The following DYNC1H1 variants were observed in gnomAD, a reference collection of about 807,000 sequenced individuals.
DYNC1H1 encodes cytoplasmic dynein 1 heavy chain 1.
DYNC1H1 carries 51 observed loss-of-function variants against 527.1 expected under a neutral mutation model. That is an observed-to-expected ratio of 0.10 (90% CI 0.08 to 0.12). DYNC1H1 has a LOEUF of 0.12. Among genes scored for constraint, DYNC1H1 ranks in the 10% least tolerant of loss-of-function variants. The pLI is 1.00. For missense variants in DYNC1H1, 2,771 were observed against 5,971.8 expected (o/e 0.46, Z 17.66); for synonymous variants, 2,189 against 2,278.8 (o/e 0.96, Z 1.12).
Position 102,050,095 on chromosome 14 carries a change from GCAA to G in DYNC1H1, c.13719_13721del (p.Asn4573del), listed in dbSNP as rs1013209915. 4.3e-6 allele frequency: 7 copies of G among 1,614,002 alleles called. No homozygotes were observed. Among genetic ancestry groups the G allele is most frequent in the Non-Finnish European group, 5.9e-6 (7 of 1,180,030 alleles). On this transcript the variant is annotated inframe_deletion, in exon 77 of 78. Coordinates refer to ENST00000360184, the MANE Select transcript of DYNC1H1 (RefSeq NM_001376.5). ...GGTTTGAAACTTCAAGGGGCCACGT[GCAA>G]CAACAACAAGCTGTCACTGTCCAAT...
Position 102,033,722 on chromosome 14 carries a change from G to C in DYNC1H1, c.10413+238G>C. The C allele has an allele frequency of 1.5e-6, 1 of 684,626 alleles. No homozygotes were observed. The highest frequency in any genetic ancestry group is 1.8e-5 in the South Asian group (1 of 54,996). 42.4% of individuals were successfully genotyped at this position (684,626 alleles called of 1,614,324 possible). On this transcript the variant is annotated intron_variant, in intron 54 of 77. Coordinates refer to ENST00000360184, the MANE Select transcript of DYNC1H1 (RefSeq NM_001376.5). The surrounding 1 kb of genome is among the most constrained non-coding windows in gnomAD (Gnocchi z 5.6). ...TCAGCCGTTGAATCCCCCACCAGCAGCTCCAGACCTGTTTGCTCTGCTGCC... is the reference window on the plus strand; with the variant it reads ...TCAGCCGTTGAATCCCCCACCAGCACCTCCAGACCTGTTTGCTCTGCTGCC...
At chr14:101,976,879 A>G (rs1441521909) in intron 2 of DYNC1H1, among the ~76,000 whole-genome samples, 1 of 152,260 alleles carries the variant, frequency 6.6e-6, no homozygotes, top group Admixed American at 6.5e-5. Context: ...AACAGCCAGT[A>G]TAACAACTAT....
chr14:102,048,056 G>T, intron 73 of DYNC1H1, 28 bp downstream of exon 73: 1 of 1,593,450 alleles, frequency 6.3e-7, no homozygotes, highest in Non-Finnish European at 8.5e-7. Flanking sequence ...GGGCCGGCCA[G>T]GTCTCAAGGT....
At chr14:102,024,755 T>C (rs1343669643) in intron 43 of DYNC1H1, among the ~76,000 whole-genome samples, 1 of 142,936 alleles carries the variant, frequency 7.0e-6, no homozygotes, top group African/African-American at 2.6e-5. Context: ...AGTGCAGTGG[T>C]GCTTTCTCGG....
rs2047643749 is a variant in DYNC1H1 at position 101,964,753 on chromosome 14, T to G, written c.62T>G (p.Val21Gly). ...TCGGCCGGATTGGAAGTGTCGGCCG[T>G]GCAGAATGTGGCGGACGTGTCGGTG... is the stretch of plus-strand genomic sequence containing the variant. Reference protein sequence around the residue: ...DGSAGLEVSAVQNVADVSVLQ... With the variant: ...DGSAGLEVSAGQNVADVSVLQ... Residue 21 changes from valine (V) to glycine (G), a missense_variant, in exon 1 of 78, where the codon GTG (valine) becomes GGG (glycine). Val to Gly is a moderately radical substitution (Grantham distance 109). Around this residue, in one of 32 missense-constraint regions of DYNC1H1, gnomAD observed 101 missense variants for 105.3 expected, o/e 0.96. Transcript: ENST00000360184. This position sits in a 1 kb window ranked among gnomAD's most constrained non-coding sequence, Gnocchi z 5.5. The G allele has an allele frequency of 2.5e-6, 4 of 1,598,764 alleles. No individual in the cohort carries two copies. Among genetic ancestry groups the G allele is most frequent in the Non-Finnish European group, 3.4e-6 (4 of 1,176,136 alleles).
chr14:101,996,130 C>T (rs2048058901), intron 15 of DYNC1H1, among the ~76,000 whole-genome samples: 1 of 150,668 alleles, frequency 6.6e-6, no homozygotes, highest in Admixed American at 6.6e-5. Flanking sequence ...CTTTTCTTTT[C>T]TTTTCTTTTT....
In DYNC1H1 at chr14:102,015,307, A is replaced by G. The variant is rs1355909155; in HGVS notation, c.7217A>G (p.Glu2406Gly). The G allele has an allele frequency of 6.2e-7, 1 of 1,613,420 alleles. No homozygotes were observed. Among genetic ancestry groups the G allele is most frequent in the Non-Finnish European group, 8.5e-7 (1 of 1,179,646 alleles). The stretch of plus-strand genomic sequence containing the variant: ...CGTAAGGGCAAAGAGGATGAGGGGG[A>G]GGAGGCCGCTTCCCCCATGCTGCAG... The part of the protein sequence containing the change: ...RRRKGKEDEG[E>G]EAASPMLQIQ... The change falls in exon 35 of 78, where the codon GAG becomes GGG. Residue 2406 changes from glutamate to glycine, a missense_variant. This residue lies in a region of DYNC1H1 where 122 missense variants were observed against 168.4 expected (regional missense o/e 0.72). Coordinates refer to ENST00000360184, the MANE Select transcript of DYNC1H1 (RefSeq NM_001376.5). The surrounding 1 kb of genome is among the most constrained non-coding windows in gnomAD (Gnocchi z 6.9).
intron 51 of DYNC1H1, 37 bp downstream of exon 51, chr14:102,030,319 G>A (rs776773837): frequency 6.2e-7 from 1 of 1,613,908 alleles, no homozygotes; most frequent in South Asian, 1.1e-5. Flanking sequence ...TGTCTAGGAA[G>A]GGTGGTCTCC....
rs776789534 is a variant in DYNC1H1 at position 101,994,658 on chromosome 14, G to A, written c.3157-15G>A. 4 of 1,613,808 alleles carry A rather than the reference G, an allele frequency of 2.5e-6. No homozygotes were observed. The highest frequency in any genetic ancestry group is 4.5e-5 in the East Asian group (2 of 44,902). On this transcript the variant is annotated splice_polypyrimidine_tract_variant and intron_variant, in intron 12 of 77. Coordinates refer to ENST00000360184, the MANE Select transcript of DYNC1H1 (RefSeq NM_001376.5). ...AAAACTCAAACTATTATTTAACTGT[G>A]TTCTTCATTTGCAGGTTTGGCTTCA... is the stretch of plus-strand genomic sequence containing the variant.
chr14:101,989,698 T>C (rs2047974924), intron 10 of DYNC1H1, among the ~76,000 whole-genome samples: 1 of 152,254 alleles, frequency 6.6e-6, no homozygotes, highest in Non-Finnish European at 1.5e-5. Context: ...ATGTTTTCAC[T>C]GTTGAATATT....
chr14:101,997,301 G>A lies in DYNC1H1; in HGVS notation c.3804+27G>A. On this transcript the variant is annotated intron_variant, in intron 16 of 77. Transcript: ENST00000360184. This position sits in a 1 kb window ranked among gnomAD's most constrained non-coding sequence, Gnocchi z 4.8. ...TGAGTCCCGCCAGGTGGGGACGCAG[G>A]AGACTCCTCACCCAGCAGTGTGATT... The A allele has an allele frequency of 1.9e-6, 3 of 1,613,950 alleles. No homozygotes were observed. The highest frequency in any genetic ancestry group is 2.5e-6 in the Non-Finnish European group (3 of 1,179,996).
chr14:101,976,536 C>CT (rs1444902613), intron 2 of DYNC1H1, among the ~76,000 whole-genome samples: 3 of 150,428 alleles, frequency 2.0e-5, no homozygotes, highest in Non-Finnish European at 3.0e-5. Flanking sequence ...GAGCGAAACT[C>CT]TGTCTCAAAA....
Position 102,018,198 on chromosome 14 carries a change from A to G in DYNC1H1, c.8178-253A>G, listed in dbSNP as rs2048347265. Among the ~76,000 whole-genome samples the G allele has an allele frequency of 6.6e-6, 1 of 152,254 alleles. No individual in the cohort carries two copies. Among genetic ancestry groups the G allele is most frequent in the Non-Finnish European group, 1.5e-5 (1 of 68,046 alleles). On this transcript the variant is annotated intron_variant, in intron 40 of 77. Transcript: ENST00000360184. This position sits in a 1 kb window ranked among gnomAD's most constrained non-coding sequence, Gnocchi z 5.2. ...CAGACTCATCTGTAGAGCCAAGATG[A>G]GCCTGAAATAAGCCTTGGTTATTTT...
At position 102,012,024 on chromosome 14, in the gene DYNC1H1, C is replaced by T; in HGVS notation, c.6768C>T (p.Pro2256=). The change falls in exon 33 of 78, where the codon CCC becomes CCT. Residue 2256 remains proline (P), a synonymous_variant. Coordinates refer to ENST00000360184, the MANE Select transcript of DYNC1H1 (RefSeq NM_001376.5). The surrounding 1 kb of genome is among the most constrained non-coding windows in gnomAD (Gnocchi z 4.9). ...AAGGTGTGGCCCATATCATCGACCC[C>T]AAGGCCATCAGCAAAGACCACCTCT... ...GVEGVAHIID[P]KAISKDHLYG... is the part of the protein sequence containing the mutation. 1 of 1,614,128 alleles carries T rather than the reference C, an allele frequency of 6.2e-7. No homozygotes were observed. Among genetic ancestry groups the T allele is most frequent in the Non-Finnish European group, 8.5e-7 (1 of 1,180,020 alleles).
chr14:102,032,608 T>TC, intron 52 of DYNC1H1, 141 bp downstream of exon 52: 1 of 1,134,826 alleles, frequency 8.8e-7, no homozygotes, highest in Middle Eastern at 2.3e-4. Context: ...TCCCAGAACT[T>TC]TGGGAGGCTG....
chr14:101,995,656 T>C (rs2048052368), intron 15 of DYNC1H1, among the ~76,000 whole-genome samples: 1 of 151,870 alleles, frequency 6.6e-6, no homozygotes, highest in African/African-American at 2.4e-5. Flanking sequence ...TTAATTTGGC[T>C]TCTATAGTAT....
Position 102,010,618 on chromosome 14 carries a change from G to A in DYNC1H1, c.6406-122G>A, listed in dbSNP as rs2048247412. The A allele has an allele frequency of 1.3e-6, 2 of 1,501,880 alleles. No individual in the cohort carries two copies. Among genetic ancestry groups the A allele is most frequent in the Admixed American group, 1.9e-5 (1 of 53,410 alleles). The allele number at this position is 1,501,880 out of a possible 1,614,324, so 93.0% of individuals were successfully genotyped here. On this transcript the variant is annotated intron_variant, in intron 31 of 77. Transcript: ENST00000360184. This position sits in a 1 kb window ranked among gnomAD's most constrained non-coding sequence, Gnocchi z 6.0. ...GACCCAGTGAGTCGAGTGCACGAAT[G>A]TGGGCGAGTGGTGCTCGCACCCTTT...
Position 102,012,626 on chromosome 14 carries a change from GA to G in DYNC1H1, c.7014+157del. 1 of 1,065,730 alleles carries G rather than the reference GA, an allele frequency of 9.4e-7. No individual in the cohort carries two copies. Among genetic ancestry groups the G allele is most frequent in the Non-Finnish European group, 1.4e-6 (1 of 711,086 alleles). The allele number at this position is 1,065,730 out of a possible 1,614,324, so 66.0% of individuals were successfully genotyped here. ...TTCAAAGATAGCATCTCAACTGCTA[GA>G]TTTTTTTTCCATTTCCATGGCTAGT... On this transcript the variant is annotated intron_variant, in intron 34 of 77. Transcript: ENST00000360184. The surrounding 1 kb of genome is among the most constrained non-coding windows in gnomAD (Gnocchi z 4.9).
intron 43 of DYNC1H1, chr14:102,023,327 A>G (rs1265960749): frequency 2.2e-5 from 7 of 324,382 alleles, no homozygotes; most frequent in Non-Finnish European, 3.6e-5. Context: ...GAGGCGGTGG[A>G]TCACCTGAGG....
Sources: allele counts gnomAD v4.1 joint callset (sites outside exome capture counted in the v4.1 genomes callset), GRCh38; gene constraint gnomAD v4.1.1; regional missense constraint gnomAD v4.1.1; non-coding constraint Gnocchi (gnomAD v3.1); transcripts MANE v1.5; gene names NCBI Gene and HGNC (gene_info 2026-07-23, HGNC 2026-07-21).